Variants in CUL3 observed in about 807,000 individuals in gnomAD.
The protein encoded by CUL3 is cullin-3.
In CUL3, 19 loss-of-function variants were observed where a neutral mutation model predicts 89.1. The ratio of observed to expected loss-of-function variants is 0.21; its 90% CI spans 0.15 to 0.31. CUL3 has a LOEUF of 0.31. CUL3 is among the 10% of genes least tolerant of loss of function. The probability of loss-of-function intolerance (pLI) is 1.00; values close to 1 mark genes in which losing one functional copy is unlikely to be tolerated. For synonymous variants in CUL3, 351 were observed against 308.4 expected (o/e 1.14, Z -1.45); for missense variants, 469 against 942.3 (o/e 0.50, Z 6.58).
chr2:224,478,405 A>G, intron 14 of CUL3, 60 bp from the exon 15 acceptor site: 2 of 1,526,360 alleles, frequency 1.3e-6, no homozygotes, highest in Non-Finnish European at 1.8e-6. Context: ...TTTATAAGCA[A>G]GCTTATTATA....
intron 1 of CUL3, among the ~76,000 whole-genome samples, chr2:224,584,062 T>G (rs1349222409): frequency 6.6e-6 from 1 of 152,206 alleles, no homozygotes; most frequent in Non-Finnish European, 1.5e-5. Context: ...ACGGGGAAGC[T>G]GAACCAGATT....
chr2:224,488,401 C>T (rs1411006884), intron 13 of CUL3, among the ~76,000 whole-genome samples: 1 of 151,946 alleles, frequency 6.6e-6, no homozygotes, highest in Non-Finnish European at 1.5e-5. Flanking sequence ...AGAGAAGAAT[C>T]AAATAGACAC....
chr2:224,547,349 G>A (rs959021782), intron 2 of CUL3, among the ~76,000 whole-genome samples: 11 of 151,992 alleles, frequency 7.2e-5, no homozygotes, highest in South Asian at 2.1e-4. Context: ...CATCTATACT[G>A]ATCTATCTCA....
chr2:224,549,862 GCACACACA>G (rs138838580), intron 2 of CUL3, among the ~76,000 whole-genome samples: 2 of 150,476 alleles, frequency 1.3e-5, no homozygotes, highest in Non-Finnish European at 3.0e-5. Context: ...ATATATGCGT[GCACACACA>G]CACACACGCA....
At chr2:224,486,932 A>G (rs1691747974) in intron 13 of CUL3, among the ~76,000 whole-genome samples, 1 of 152,188 alleles carries the variant, frequency 6.6e-6, no homozygotes, top group African/African-American at 2.4e-5. Flanking sequence ...GAAACCCTAC[A>G]AGCCAGAAGA....
Position 224,532,138 on chromosome 2 carries a change from A to G in CUL3, c.378+3390T>C, listed in dbSNP as rs117778909. Among the ~76,000 whole-genome samples the G allele has an allele frequency of 8.4e-4, 128 of 152,374 alleles. No individual in the cohort carries two copies. The East Asian group carries it at 0.022, about 26-fold the overall frequency. ...AAGTACTTCAGAGAATGAAGGCTCC[A>G]TTAACTAGACAAATGCATATATGAG... On this transcript the variant is annotated intron_variant, in intron 3 of 15. Transcript: ENST00000264414.
intron 1 of CUL3, among the ~76,000 whole-genome samples, chr2:224,558,488 C>T (rs565931045): frequency 4.2e-4 from 64 of 152,194 alleles, no homozygotes; most frequent in African/African-American, 1.5e-3. Context: ...CCATCATATT[C>T]ACACACCAAC....
intron 13 of CUL3, chr2:224,494,980 A>G (rs1439555747): frequency 1.3e-5 from 2 of 152,298 alleles, no homozygotes; most frequent in East Asian, 3.9e-4. Flanking sequence ...TACTCAGAGC[A>G]CATATATCTG....
chr2:224,554,048 G>A (rs1353366827), intron 2 of CUL3, among the ~76,000 whole-genome samples: 2 of 151,926 alleles, frequency 1.3e-5, no homozygotes, highest in East Asian at 1.9e-4. Context: ...CTTGGTCACC[G>A]AAACACTGAT....
At chr2:224,476,221 TTGTC>T (rs535411382) in intron 15 of CUL3, among the ~76,000 whole-genome samples, 1 of 152,132 alleles carries the variant, frequency 6.6e-6, no homozygotes, top group Non-Finnish European at 1.5e-5. Flanking sequence ...TTCGCTGTGT[TTGTC>T]AGGCTGGTCT....
At chr2:224,528,637 T>C (rs1266493314) in intron 3 of CUL3, among the ~76,000 whole-genome samples, 1 of 152,136 alleles carries the variant, frequency 6.6e-6, no homozygotes, top group Non-Finnish European at 1.5e-5. Flanking sequence ...CTAAGGAGAC[T>C]AGAATACCAA....
intron 3 of CUL3, among the ~76,000 whole-genome samples, chr2:224,534,034 T>G (rs973858664): frequency 2.6e-5 from 4 of 151,990 alleles, no homozygotes; most frequent in African/African-American, 7.3e-5. Flanking sequence ...CTAAAAAAAC[T>G]AGAAACAAAA....
chr2:224,584,466 G>A (rs574030223), intron 1 of CUL3, among the ~76,000 whole-genome samples: 21 of 152,282 alleles, frequency 1.4e-4, no homozygotes, highest in Admixed American at 6.5e-4. Context: ...GACCTTCCTG[G>A]GGAGGGGGGC....
At chr2:224,540,540 GAT>G (rs1166687413) in intron 2 of CUL3, among the ~76,000 whole-genome samples, 1 of 152,134 alleles carries the variant, frequency 6.6e-6, no homozygotes, top group Non-Finnish European at 1.5e-5. Flanking sequence ...AGGTGACTCT[GAT>G]ATAACATCCA....
intron 3 of CUL3, among the ~76,000 whole-genome samples, chr2:224,528,544 G>C (rs957684558): frequency 6.8e-6 from 1 of 146,770 alleles, no homozygotes. Context: ...AGGGGGCTGG[G>C]GAGTAGCCTA....
chr2:224,505,343 G>T lies in CUL3; in HGVS notation c.1206+613C>A, dbSNP rs1256729637. Among the ~76,000 whole-genome samples, 3 of 152,022 alleles carry T rather than the reference G, an allele frequency of 2.0e-5. No homozygotes were observed. In the East Asian group the frequency reaches 5.8e-4, roughly 29 times the overall value. ...GTAGAGATGGGGTTTCACCAAGTTGGTCAGGCTGGTCTCAAACTCCCAACC... is the reference window on the plus strand; with the variant it reads ...GTAGAGATGGGGTTTCACCAAGTTGTTCAGGCTGGTCTCAAACTCCCAACC... On this transcript the variant is annotated intron_variant, in intron 8 of 15. Coordinates refer to ENST00000264414, the MANE Select transcript of CUL3 (RefSeq NM_003590.5).
intron 1 of CUL3, among the ~76,000 whole-genome samples, chr2:224,571,429 A>C (rs1256110159): frequency 6.6e-6 from 1 of 152,186 alleles, no homozygotes. Context: ...AAAACTCTAT[A>C]AACTGTAAGA....
At chr2:224,551,027 T>G (rs534523376) in intron 2 of CUL3, among the ~76,000 whole-genome samples, 1 of 152,192 alleles carries the variant, frequency 6.6e-6, no homozygotes, top group Non-Finnish European at 1.5e-5. Context: ...TGATGGGATT[T>G]TATTCAATGT....
intron 1 of CUL3, among the ~76,000 whole-genome samples, chr2:224,566,261 T>C (rs192064222): frequency 6.6e-6 from 1 of 152,296 alleles, no homozygotes; most frequent in African/African-American, 2.4e-5. Flanking sequence ...ATGGAACCAA[T>C]CCGGAAAAAG....
Sources: gnomAD v4.1 joint callset for allele counts (sites outside exome capture counted in the v4.1 genomes callset) on GRCh38, gnomAD v4.1.1 for gene constraint, MANE v1.5 for transcripts, NCBI Gene and HGNC (gene_info 2026-07-23, HGNC 2026-07-21) for gene names.